The following USP7 variants were observed in gnomAD, a reference collection of about 807,000 sequenced individuals.
USP7 encodes ubiquitin C-terminal hydrolase 7.
Under a neutral mutation model 162.9 loss-of-function variants are expected in USP7, and 9 were observed. The ratio of observed to expected loss-of-function variants is 0.06; its 90% CI spans 0.03 to 0.10. The LOEUF is 0.10. Among genes scored for constraint, USP7 ranks in the 10% least tolerant of loss-of-function variants. USP7 has a pLI of 1.00. For synonymous variants in USP7, 562 were observed against 475.9 expected (o/e 1.18, Z -2.35); for missense variants, 715 against 1,373.7 (o/e 0.52, Z 7.58).
rs1299335751 is a variant in USP7 at position 8,900,914 on chromosome 16, G to A, written c.2208+76C>T. ...GTAGACCTAACACTGTAACAAATTCGGGGTAAAAAGAACAAACAAAACCCT... is the reference window on the plus strand; with the variant it reads ...GTAGACCTAACACTGTAACAAATTCAGGGTAAAAAGAACAAACAAAACCCT... On this transcript the variant is annotated intron_variant, in intron 20 of 30. Coordinates refer to ENST00000344836, the MANE Select transcript of USP7 (RefSeq NM_003470.3). 2.3e-5 allele frequency: 34 copies of A among 1,450,204 alleles called. No individual in the cohort carries two copies. The highest frequency in any genetic ancestry group is 9.9e-5 in the Admixed American group (5 of 50,558). 89.8% of individuals were successfully genotyped at this position (1,450,204 alleles called of 1,614,324 possible). A position where few individuals can be genotyped will look rare whatever the true frequency, so the allele number is the denominator to read the frequency against.
At chr16:8,924,403 C>G (rs1399205730) in intron 2 of USP7, among the ~76,000 whole-genome samples, 2 of 152,244 alleles carry the variant, frequency 1.3e-5, no homozygotes, top group Non-Finnish European at 2.9e-5. Flanking sequence ...TCATTATAGT[C>G]TGCACACAGC....
intron 5 of USP7, 60 bp from the exon 6 acceptor site, chr16:8,919,199 G>T: frequency 5.8e-6 from 9 of 1,550,152 alleles, no homozygotes; most frequent in Non-Finnish European, 8.0e-6. Context: ...CCTGCAGTGT[G>T]TGTGAAGCAA....
chr16:8,900,982 A>G lies in USP7; in HGVS notation c.2208+8T>C, dbSNP rs565349357. 5 of 1,613,444 alleles carry G rather than the reference A, an allele frequency of 3.1e-6. No homozygotes were observed. The Admixed American group carries it at 8.3e-5, about 27-fold the overall frequency. On this transcript the variant is annotated splice_region_variant and intron_variant, in intron 20 of 30. Transcript: ENST00000344836. ...TATACTAATTATGGAAAAATAAACC[A>G]TCCAAACCTCATAGAGGATAAGGCT...
chr16:8,937,121 C>G (rs956775009), intron 1 of USP7, among the ~76,000 whole-genome samples: 2 of 152,198 alleles, frequency 1.3e-5, no homozygotes, highest in African/African-American at 2.4e-5. Context: ...TTTCAGGGCA[C>G]CTTACCACAC....
Position 8,937,617 on chromosome 16 carries a change from G to A in USP7, c.80-7220C>T, listed in dbSNP as rs189858157. Among the ~76,000 whole-genome samples, 82 of 152,178 alleles carry A rather than the reference G, an allele frequency of 5.4e-4. 2 individuals are homozygous for A. The East Asian group carries it at 0.014, about 26-fold the overall frequency. On this transcript the variant is annotated intron_variant, in intron 1 of 30. Coordinates refer to ENST00000344836, the MANE Select transcript of USP7 (RefSeq NM_003470.3). ...TGGGAGGCTGAGGTGGGACGTAAAG[G>A]CTGCAGTGAGCAAGGGCTGCACCAC... is the stretch of plus-strand genomic sequence containing the variant.
intron 2 of USP7, among the ~76,000 whole-genome samples, chr16:8,924,592 C>T (rs970517473): frequency 2.0e-5 from 3 of 152,250 alleles, no homozygotes; most frequent in Non-Finnish European, 4.4e-5. Context: ...ATCCTCCCAT[C>T]CTTCATCTTC....
chr16:8,927,897 C>T (rs1451275103), intron 2 of USP7, among the ~76,000 whole-genome samples: 1 of 151,972 alleles, frequency 6.6e-6, no homozygotes, highest in Non-Finnish European at 1.5e-5. Flanking sequence ...ATAATCCCAA[C>T]ACATTGGGAG....
intron 1 of USP7, among the ~76,000 whole-genome samples, chr16:8,946,107 A>G (rs1393710892): frequency 1.3e-5 from 2 of 152,194 alleles, no homozygotes; most frequent in Non-Finnish European, 2.9e-5. Flanking sequence ...AATGGACTCT[A>G]CAGCCCCTCC....
intron 1 of USP7, among the ~76,000 whole-genome samples, chr16:8,944,488 G>A (rs141247794): frequency 6.0e-4 from 91 of 152,302 alleles, no homozygotes; most frequent in Middle Eastern, 6.8e-3. Context: ...TGGGGATGAG[G>A]TCAGAGGTAG....
chr16:8,950,293 G>C (rs946494154), intron 1 of USP7, among the ~76,000 whole-genome samples: 1 of 151,940 alleles, frequency 6.6e-6, no homozygotes, highest in Non-Finnish European at 1.5e-5. Context: ...AGACACAACA[G>C]ACATTTTCTG....
intron 26 of USP7, among the ~76,000 whole-genome samples, chr16:8,896,667 CT>C (rs1260628354): frequency 2.0e-5 from 3 of 152,158 alleles, no homozygotes; most frequent in Admixed American, 6.5e-5. Flanking sequence ...CTCTGTTTGG[CT>C]TTTCTATGGG....
chr16:8,894,253 G>T, intron 30 of USP7, 149 bp from the exon 31 acceptor site: 1 of 750,298 alleles, frequency 1.3e-6, no homozygotes, highest in Non-Finnish European at 2.2e-6. Context: ...CCCACCTGGA[G>T]CTAAGGAGGC....
chr16:8,894,578 T>C lies in USP7; in HGVS notation c.3174A>G (p.Val1058=). ...GCTGTGGCTCAAAGTCTTTCAAATTTACTTCATACTCGTCTTCATTTATGT... is the reference window on the plus strand; with the variant it reads ...GCTGTGGCTCAAAGTCTTTCAAATTCACTTCATACTCGTCTTCATTTATGT... ...HQYINEDEYE[V]NLKDFEPQPG... The change falls in exon 30 of 31, where the codon GTA becomes GTG. Residue 1058 remains valine, a synonymous_variant. Coordinates refer to ENST00000344836, the MANE Select transcript of USP7 (RefSeq NM_003470.3). The C allele has an allele frequency of 6.2e-7, 1 of 1,613,466 alleles. No homozygotes were observed. Among genetic ancestry groups the C allele is most frequent in the Non-Finnish European group, 8.5e-7 (1 of 1,180,022 alleles).
In USP7 at chr16:8,899,173, C is replaced by A; in HGVS notation, c.2479G>T (p.Ala827Ser). 1 of 1,614,154 alleles carries A rather than the reference C, an allele frequency of 6.2e-7. No individual in the cohort carries two copies. Among genetic ancestry groups the A allele is most frequent in the Non-Finnish European group, 8.5e-7 (1 of 1,180,022 alleles). ...ATTGGATCTGTGTTGAGCCTCTGTG[C>A]AACTGTCTTTGCAACCTAAGACACA... is the stretch of plus-strand genomic sequence containing the variant. ...MNYFQVAKTVAQRLNTDPMLL... is the reference protein window; with the variant it reads ...MNYFQVAKTVSQRLNTDPMLL... The change falls in exon 23 of 31, where the codon GCA becomes TCA. Residue 827 changes from alanine (A) to serine (S), a missense_variant. This residue lies in a region of USP7 where 222 missense variants were observed against 441.7 expected (regional missense o/e 0.50). Transcript: ENST00000344836.
intron 1 of USP7, among the ~76,000 whole-genome samples, chr16:8,932,293 C>T (rs763326788): frequency 6.6e-6 from 1 of 152,146 alleles, no homozygotes; most frequent in African/African-American, 2.4e-5. Context: ...TGGTCCGACC[C>T]GTGGCTCACT....
intron 2 of USP7, chr16:8,929,594 A>G: frequency 2.2e-6 from 1 of 456,072 alleles, no homozygotes; most frequent in Non-Finnish European, 4.4e-6. Flanking sequence ...TTTTTGACAG[A>G]ACATGGTTTC....
Position 8,899,650 on chromosome 16 carries a change from T to C in USP7, c.2417A>G (p.Asp806Gly). Residue 806 changes from aspartate (D) to glycine (G), a missense_variant, in exon 22 of 31, where the codon GAT becomes GGT. This residue lies in a region of USP7 where 222 missense variants were observed against 441.7 expected (regional missense o/e 0.50). Transcript: ENST00000344836. ...VIFCDKTIPN[D>G]PGFVVTLSNR... is the part of the protein sequence containing the mutation. ...TGATAACGTAACCACAAATCCAGGATCATTAGGGATTGTTTTATCACAGAA... is the reference window on the plus strand; with the variant it reads ...TGATAACGTAACCACAAATCCAGGACCATTAGGGATTGTTTTATCACAGAA... 6.2e-7 allele frequency: 1 copy of C among 1,614,190 alleles called. No individual in the cohort carries two copies. Among genetic ancestry groups the C allele is most frequent in the Non-Finnish European group, 8.5e-7 (1 of 1,180,024 alleles).
intron 15 of USP7, 125 bp from the exon 16 acceptor site, chr16:8,903,527 G>C: frequency 8.3e-7 from 1 of 1,211,738 alleles, no homozygotes; most frequent in Non-Finnish European, 1.1e-6. Context: ...TTCTTCAGAA[G>C]ACCAATGAAG....
At chr16:8,925,738 C>T (rs947398330) in intron 2 of USP7, among the ~76,000 whole-genome samples, 1 of 152,230 alleles carries the variant, frequency 6.6e-6, no homozygotes, top group South Asian at 2.1e-4. Flanking sequence ...CAGCCTCACA[C>T]TCAAGGCACA....
Sources: allele counts gnomAD v4.1 joint callset (sites outside exome capture counted in the v4.1 genomes callset), GRCh38; gene constraint gnomAD v4.1.1; regional missense constraint gnomAD v4.1.1; transcripts MANE v1.5; gene names NCBI Gene and HGNC (gene_info 2026-07-23, HGNC 2026-07-21).